CDK14: variants seen among roughly 807,000 people sequenced by gnomAD.
CDK14 encodes the protein cyclin dependent kinase 14.
A neutral mutation model predicts 60.7 loss-of-function variants in CDK14; 34 were observed. The observed-to-expected ratio is 0.56, with a 90% CI of 0.43 to 0.75. CDK14 has a LOEUF of 0.75. Among genes scored for constraint, CDK14 ranks in the 30% least tolerant of loss-of-function variants. CDK14 has a pLI of 0.00. For missense variants in CDK14, 482 were observed against 564.1 expected (o/e 0.85, Z 1.47); for synonymous variants, 197 against 203.7 (o/e 0.97, Z 0.28).
At chr7:90,716,372 C>T (rs1802249236) in intron 2 of CDK14, 1 of 151,984 alleles carries the variant, frequency 6.6e-6, no homozygotes, top group Non-Finnish European at 1.5e-5. Flanking sequence ...AGTTTTTCCT[C>T]CAAAGCTACC....
At chr7:91,147,768 A>C (rs190095841) in intron 14 of CDK14, among the ~76,000 whole-genome samples, 46 of 152,260 alleles carry the variant, frequency 3.0e-4, no homozygotes, top group Admixed American at 1.7e-3. Context: ...GGATGGGTAC[A>C]TGAAAAATTC....
intron 6 of CDK14, among the ~76,000 whole-genome samples, chr7:90,865,171 T>C (rs1791136278): frequency 2.0e-5 from 3 of 152,176 alleles, no homozygotes; most frequent in Admixed American, 2.0e-4. Context: ...TATGTGAAGT[T>C]TGATTTTTGT....
intron 6 of CDK14, among the ~76,000 whole-genome samples, chr7:90,870,821 A>G (rs1190774787): frequency 2.6e-5 from 4 of 152,228 alleles, no homozygotes; most frequent in Admixed American, 1.3e-4. Flanking sequence ...CATATAGAAC[A>G]TTGGTGAAAT....
At chr7:91,127,687 A>G in intron 14 of CDK14, among the ~76,000 whole-genome samples, 1 of 152,096 alleles carries the variant, frequency 6.6e-6, no homozygotes, top group East Asian at 1.9e-4. Flanking sequence ...TTAAAGGAGA[A>G]GTTCTCCCAT....
At chr7:90,699,911 C>G (rs953570864) in intron 2 of CDK14, among the ~76,000 whole-genome samples, 1 of 152,112 alleles carries the variant, frequency 6.6e-6, no homozygotes, top group African/African-American at 2.4e-5. Flanking sequence ...ACTGATAAAA[C>G]TAAGTTAATC....
chr7:91,079,300 G>T, intron 11 of CDK14, 132 bp from the exon 12 acceptor site: 1 of 601,868 alleles, frequency 1.7e-6, no homozygotes, highest in Admixed American at 3.4e-5. Context: ...CAGTATAAAA[G>T]TGAAGACCTT....
chr7:90,839,310 A>G (rs369494565), intron 5 of CDK14, among the ~76,000 whole-genome samples: 45 of 152,184 alleles, frequency 3.0e-4, no homozygotes, highest in African/African-American at 9.9e-4. Flanking sequence ...AATTGAGACT[A>G]TGGCTTGGCC....
chr7:91,040,894 A>C (rs1797070879), intron 10 of CDK14, among the ~76,000 whole-genome samples: 1 of 152,274 alleles, frequency 6.6e-6, no homozygotes, highest in Admixed American at 6.5e-5. Context: ...GTTTAGAAAG[A>C]TAAGTAAATA....
At chr7:91,143,349 T>G (rs1800522163) in intron 14 of CDK14, among the ~76,000 whole-genome samples, 1 of 152,228 alleles carries the variant, frequency 6.6e-6, no homozygotes, top group Admixed American at 6.5e-5. Context: ...AGCTACTTTT[T>G]TTCTTAACCT....
intron 10 of CDK14, among the ~76,000 whole-genome samples, chr7:90,997,045 A>C (rs1448856927): frequency 6.6e-6 from 1 of 152,206 alleles, no homozygotes; most frequent in African/African-American, 2.4e-5. Flanking sequence ...ATAACCCAAC[A>C]TTCAAAATAT....
intron 2 of CDK14, among the ~76,000 whole-genome samples, chr7:90,665,511 G>A (rs1333106568): frequency 6.6e-6 from 1 of 152,060 alleles, no homozygotes; most frequent in Non-Finnish European, 1.5e-5. Context: ...AGGCTGTGAG[G>A]GTACAGTTTT....
At chr7:91,206,696 T>A (rs894360387) in intron 14 of CDK14, among the ~76,000 whole-genome samples, 1 of 152,208 alleles carries the variant, frequency 6.6e-6, no homozygotes, top group Non-Finnish European at 1.5e-5. Context: ...GAAATAATGA[T>A]AATAGGCAAC....
At chr7:90,942,457 T>C (rs1198811866) in intron 8 of CDK14, among the ~76,000 whole-genome samples, 2 of 152,184 alleles carry the variant, frequency 1.3e-5, no homozygotes, top group African/African-American at 2.4e-5. Context: ...GACTTTTGGC[T>C]TCAGGGGTTA....
At chr7:91,016,651 T>C (rs138502561) in intron 10 of CDK14, among the ~76,000 whole-genome samples, 11 of 152,316 alleles carry the variant, frequency 7.2e-5, no homozygotes, top group Non-Finnish European at 1.5e-4. Context: ...TAGGGTGCGT[T>C]TGAAATTTGA....
intron 8 of CDK14, among the ~76,000 whole-genome samples, chr7:90,925,091 A>G (rs982676320): frequency 2.6e-5 from 4 of 152,222 alleles, no homozygotes; most frequent in Non-Finnish European, 5.9e-5. Flanking sequence ...GGTGCAAATA[A>G]TCAAGTTTAT....
chr7:90,605,063 A>G (rs893187770), intron 2 of CDK14, among the ~76,000 whole-genome samples: 9 of 152,196 alleles, frequency 5.9e-5, no homozygotes, highest in African/African-American at 1.9e-4. Flanking sequence ...ATGAAAGCAT[A>G]AATCAGTTTG....
intron 2 of CDK14, among the ~76,000 whole-genome samples, chr7:90,635,452 G>C (rs1357913659): frequency 6.6e-6 from 1 of 152,084 alleles, no homozygotes; most frequent in Non-Finnish European, 1.5e-5. Flanking sequence ...GTAGATATGT[G>C]GTGTTATTTC....
intron 2 of CDK14, among the ~76,000 whole-genome samples, chr7:90,611,574 C>T (rs571348561): frequency 1.3e-5 from 2 of 152,288 alleles, no homozygotes; most frequent in South Asian, 4.1e-4. Flanking sequence ...CTGTCATATC[C>T]ATTCTCACAG....
At chr7:90,599,000 G>A (rs1216344999) in intron 1 of CDK14, among the ~76,000 whole-genome samples, 1 of 152,132 alleles carries the variant, frequency 6.6e-6, no homozygotes, top group Non-Finnish European at 1.5e-5. Context: ...CACCGCGCCC[G>A]GCCTATCTAA....
Sources: gnomAD v4.1 joint callset for allele counts (sites outside exome capture counted in the v4.1 genomes callset) on GRCh38, gnomAD v4.1.1 for gene constraint, MANE v1.5 for transcripts, NCBI Gene and HGNC (gene_info 2026-07-23, HGNC 2026-07-21) for gene names.